Variants in ALDH3B2 observed in about 807,000 individuals in gnomAD.
ALDH3B2 encodes aldehyde dehydrogenase 3 family member B2.
Under a neutral mutation model 36.7 loss-of-function variants are expected in ALDH3B2, and 45 were observed. The ratio of observed to expected loss-of-function variants is 1.23; its 90% CI spans 0.97 to 1.57. The LOEUF (loss-of-function observed/expected upper bound fraction) is 1.57, where lower values mean the gene tolerates loss of function less well. ALDH3B2 is among the 40% of genes most tolerant of loss of function. The pLI, the probability that ALDH3B2 is intolerant of heterozygous loss-of-function variation, is 0.00. For synonymous variants in ALDH3B2, 217 were observed against 226.5 expected, an observed-to-expected ratio of 0.96 and a Z score of 0.38; for missense variants, 464 against 513.3, an observed-to-expected ratio of 0.90 and a Z score of 0.93.
At chr11:67,676,424 C>T (rs1404379418), upstream of ALDH3B2, among the ~76,000 whole-genome samples, 2 of 151,972 alleles carry the variant, frequency 1.3e-5, no homozygotes, top group Non-Finnish European at 2.9e-5. Context: ...AACAGTGACA[C>T]AACCTATCAA....
intron 1 of ALDH3B2, among the ~76,000 whole-genome samples, chr11:67,673,318 G>A (rs964460139): frequency 6.6e-6 from 1 of 152,164 alleles, no homozygotes; most frequent in African/African-American, 2.4e-5. Context: ...GGTCCCATAG[G>A]TGACCACCCC....
intron 1 of ALDH3B2, among the ~76,000 whole-genome samples, chr11:67,672,240 C>A (rs372987946): frequency 6.7e-6 from 1 of 149,786 alleles, no homozygotes; most frequent in African/African-American, 2.5e-5. Context: ...CTCCATCTCC[C>A]GGATTCAAGC....
exon 10 of ALDH3B2, chr11:67,662,974 G>T: frequency 1.9e-6 from 1 of 535,464 alleles, no homozygotes; most frequent in Non-Finnish European, 3.3e-6. Flanking sequence ...GGGGAGGGTG[G>T]GGTGAGTGAG....
At chr11:67,674,967 A>G (rs952616726), upstream of ALDH3B2, among the ~76,000 whole-genome samples, 1 of 152,126 alleles carries the variant, frequency 6.6e-6, no homozygotes, top group Non-Finnish European at 1.5e-5. Flanking sequence ...CCCCAGCCAC[A>G]GTGGTCCCAT....
intron 1 of ALDH3B2, among the ~76,000 whole-genome samples, chr11:67,680,689 T>C (rs949418461): frequency 1.3e-5 from 2 of 152,196 alleles, no homozygotes; most frequent in African/African-American, 4.8e-5. Flanking sequence ...AGTTCTAGGA[T>C]TACAGATGTG....
At chr11:67,678,636 C>CATATATATATATATATATATATAT (rs34057662), upstream of ALDH3B2, among the ~76,000 whole-genome samples, 4 of 146,670 alleles carry the variant, frequency 2.7e-5, no homozygotes, top group African/African-American at 1.0e-4. Flanking sequence ...TACTATGGTA[C>CATATATATATATATATATATATAT]ATATATATAT....
At chr11:67,666,465 G>C in intron 4 of ALDH3B2, 64 bp from the exon 5 acceptor site, 1 of 1,603,324 alleles carries the variant, frequency 6.2e-7, no homozygotes, top group Non-Finnish European at 8.5e-7. Context: ...CCAGGGGCTG[G>C]GCTCAGAGGG....
upstream of ALDH3B2, among the ~76,000 whole-genome samples, chr11:67,677,584 T>G (rs2514060): frequency 0.97 from 147,046 of 152,162 alleles, 71,234 homozygotes; most frequent in Non-Finnish European, 1. Flanking sequence ...CTTCAACATA[T>G]TACTGGCAGT....
rs112079030 is a variant in ALDH3B2 at position 67,672,739 on chromosome 11, G to A, written c.-245+1698C>T. The stretch of plus-strand genomic sequence containing the variant: ...CGAGTAGCTGGTATTATAGGCATGC[G>A]CCCCCATGCCCAGCTAATTTTTATA... On this transcript the variant is annotated intron_variant, in intron 1 of 9. Transcript: ENST00000349015. 1.7e-3 allele frequency among the ~76,000 whole-genome samples: 252 copies of A among 150,742 alleles called. 4 individuals are homozygous for A. Among genetic ancestry groups the A allele is most frequent in the African/African-American group, 5.8e-3 (237 of 40,916 alleles).
In ALDH3B2 at chr11:67,666,291, A is replaced by T. The variant is rs192144815; in HGVS notation, c.237+25T>A. Reference sequence around the variant, plus strand: ...GGGGTGATATATGGGGACGTCGGGCACTGCTGGGGCAGGGCCACCCTCACC... The same window carrying T: ...GGGGTGATATATGGGGACGTCGGGCTCTGCTGGGGCAGGGCCACCCTCACC... On this transcript the variant is annotated intron_variant, in intron 5 of 9. Transcript: ENST00000349015. The T allele has an allele frequency of 1.0e-4, 164 of 1,610,262 alleles. No homozygotes were observed. The African/African-American group carries it at 1.9e-3, about 18-fold the overall frequency.
chr11:67,672,363 C>G (rs1331371325), intron 1 of ALDH3B2, among the ~76,000 whole-genome samples: 1 of 151,012 alleles, frequency 6.6e-6, no homozygotes, highest in Non-Finnish European at 1.5e-5. Context: ...CCATGTTGGT[C>G]AGGCTGGTCT....
At chr11:67,662,995 A>G (rs1362814330) in exon 10 of ALDH3B2, 2 of 594,634 alleles carry the variant, frequency 3.4e-6, no homozygotes, top group East Asian at 3.0e-5. Flanking sequence ...GACACCTGGC[A>G]TGTTCTGCGG....
upstream of ALDH3B2, among the ~76,000 whole-genome samples, chr11:67,676,437 C>T (rs543026172): frequency 6.6e-6 from 1 of 152,022 alleles, no homozygotes; most frequent in East Asian, 1.9e-4. Context: ...CCTATCAAAA[C>T]CTCTGGGATA....
upstream of ALDH3B2, among the ~76,000 whole-genome samples, chr11:67,679,454 G>A (rs187719303): frequency 1.4e-3 from 209 of 151,252 alleles, no homozygotes; most frequent in Non-Finnish European, 2.6e-3. Flanking sequence ...CTGGGTGAAA[G>A]AGCGAGACTC....
At chr11:67,665,457 C>T (rs1171900811) in exon 7 of ALDH3B2, 4 of 1,613,960 alleles carry the variant, frequency 2.5e-6, no homozygotes, top group Non-Finnish European at 3.4e-6. Context: ...CGGGCAGCAG[C>T]CTCTCCTGCA....
At chr11:67,664,527 G>A (rs367628258) in exon 8 of ALDH3B2, 2 of 1,613,764 alleles carry the variant, frequency 1.2e-6, no homozygotes, top group Non-Finnish European at 1.7e-6. Flanking sequence ...TGCATCACAG[G>A]CTCCGTCTCC....
intron 7 of ALDH3B2, 65 bp downstream of exon 7, chr11:67,665,220 C>T: frequency 6.5e-7 from 1 of 1,538,268 alleles, no homozygotes. Context: ...CGTGGCCCAG[C>T]CGTGGGCCCT....
intron 3 of ALDH3B2, 102 bp from the exon 4 acceptor site, chr11:67,666,796 G>A (rs1038382731): frequency 4.4e-6 from 7 of 1,608,928 alleles, no homozygotes; most frequent in Middle Eastern, 3.3e-4. Flanking sequence ...AATCCCAGGA[G>A]AGACGAGAAA....
At chr11:67,670,024 A>G (rs1471358538) in intron 1 of ALDH3B2, among the ~76,000 whole-genome samples, 1 of 14,354 alleles carries the variant, frequency 7.0e-5, no homozygotes, top group African/African-American at 1.2e-4. Flanking sequence ...CTGTGTGTGT[A>G]TGGGTGTCTG....
Sources: gnomAD v4.1 joint callset for allele counts (sites outside exome capture counted in the v4.1 genomes callset) on GRCh38, gnomAD v4.1.1 for gene constraint, MANE v1.5 for transcripts, NCBI Gene and HGNC (gene_info 2026-07-23, HGNC 2026-07-21) for gene names.